The following DCT variants were observed in gnomAD, a reference collection of about 807,000 sequenced individuals.
The protein encoded by DCT is dopachrome tautomerase, also known as L-dopachrome tautomerase.
DCT carries 47 observed loss-of-function variants against 53.0 expected under a neutral mutation model. The ratio of observed to expected loss-of-function variants is 0.89; its 90% confidence interval spans 0.70 to 1.13. The LOEUF (loss-of-function observed/expected upper bound fraction) is 1.13. Ranked by LOEUF, DCT falls within the 50% of genes most tolerant of loss-of-function variation. DCT has a pLI of 0.00. For synonymous variants in DCT, 244 were observed against 237.0 expected (o/e 1.03, Z -0.27); for missense variants, 669 against 637.4 (o/e 1.05, Z -0.53).
chr13:94,462,423 C>A (rs1480638237), intron 4 of DCT, among the ~76,000 whole-genome samples: 1 of 151,686 alleles, frequency 6.6e-6, no homozygotes, highest in Non-Finnish European at 1.5e-5. Context: ...TCGCTTGAAC[C>A]CAGGAGACAG....
chr13:94,464,189 G>A (rs900187434), intron 4 of DCT, among the ~76,000 whole-genome samples: 9 of 152,178 alleles, frequency 5.9e-5, no homozygotes, highest in African/African-American at 1.9e-4. Context: ...TGTGGAAGAC[G>A]AAGTCCCTGC....
At chr13:94,503,971 A>G in the DCT span, among the ~76,000 whole-genome samples, 70 of 152,334 alleles carry the variant, frequency 4.6e-4, no homozygotes, top group African/African-American at 1.6e-3. Flanking sequence ...GGTTGTGCAT[A>G]AGTGAAGTAA....
At chr13:94,512,549 G>T in the DCT span, among the ~76,000 whole-genome samples, 8 of 152,256 alleles carry the variant, frequency 5.3e-5, no homozygotes, top group African/African-American at 1.9e-4. Context: ...GGGAAAAAAC[G>T]ACAAACTATT....
chr13:94,543,798 G>A, the DCT span, among the ~76,000 whole-genome samples: 1 of 152,142 alleles, frequency 6.6e-6, no homozygotes, highest in Non-Finnish European at 1.5e-5. Context: ...ACTTTGAGAG[G>A]CCAAGGCAGG....
chr13:94,479,386 CT>C lies in DCT; in HGVS notation c.-132del. 1 of 897,082 alleles carries C rather than the reference CT, an allele frequency of 1.1e-6. No individual in the cohort carries two copies. The highest frequency in any genetic ancestry group is 1.7e-5 in the African/African-American group (1 of 59,340). 55.6% of individuals were successfully genotyped at this position (897,082 alleles called of 1,614,324 possible). On this transcript the variant is annotated 5_prime_UTR_variant, in exon 1 of 8. The change abolishes the stop of an existing upstream ORF in the 5' untranslated region. Transcript: ENST00000377028. The stretch of plus-strand genomic sequence containing the variant: ...ATTTTTCTTTGCTTTCTATTCCTTT[CT>C]TCTTAAAAAAATACCCACAAGAATC...
the DCT span, among the ~76,000 whole-genome samples, chr13:94,521,628 C>G: frequency 6.6e-6 from 1 of 152,170 alleles, no homozygotes; most frequent in African/African-American, 2.4e-5. Context: ...TGAGATCATG[C>G]CATTGCACTC....
At chr13:94,530,739 A>G in the DCT span, among the ~76,000 whole-genome samples, 1 of 152,192 alleles carries the variant, frequency 6.6e-6, no homozygotes, top group African/African-American at 2.4e-5. Context: ...CAAGACAAGG[A>G]TGCCCTCTCT....
chr13:94,479,873 C>G (rs1023933780), upstream of DCT, among the ~76,000 whole-genome samples: 5 of 152,128 alleles, frequency 3.3e-5, no homozygotes, highest in African/African-American at 1.2e-4. Context: ...AGGGCAAAAC[C>G]ATCTTCTTTA....
chr13:94,485,678 G>T, the DCT span, among the ~76,000 whole-genome samples: 1 of 152,138 alleles, frequency 6.6e-6, no homozygotes, highest in Admixed American at 6.5e-5. Flanking sequence ...CACCCAGTTT[G>T]AAGTCCCATA....
At chr13:94,441,335 A>G (rs1019286677) in intron 7 of DCT, among the ~76,000 whole-genome samples, 4 of 152,222 alleles carry the variant, frequency 2.6e-5, no homozygotes, top group Non-Finnish European at 4.4e-5. Flanking sequence ...TTTTTAAAAA[A>G]TTATGTTTTA....
Position 94,444,380 on chromosome 13 carries a change from C to T in DCT, c.1180-743G>A, listed in dbSNP as rs765751973. 7.7e-6 allele frequency: 4 copies of T among 517,308 alleles called. No homozygotes were observed. The Admixed American group carries it at 7.8e-5, about 10-fold the overall frequency. 32.0% of individuals were successfully genotyped at this position (517,308 alleles called of 1,614,324 possible). ...TTTCTCACCAGGAATACTCTTCTGT[C>T]TACTCATTTCATAAACTCTCACTTG... On this transcript the variant is annotated intron_variant, in intron 6 of 7. Transcript: ENST00000377028.
At chr13:94,530,532 C>A in the DCT span, among the ~76,000 whole-genome samples, 2 of 151,974 alleles carry the variant, frequency 1.3e-5, no homozygotes, top group Non-Finnish European at 2.9e-5. Context: ...GAACCAACGA[C>A]GAAAACCACA....
chr13:94,493,448 G>A, the DCT span, among the ~76,000 whole-genome samples: 1 of 152,206 alleles, frequency 6.6e-6, no homozygotes, highest in Non-Finnish European at 1.5e-5. Context: ...CAAGGCATAT[G>A]AGGACTATGA....
At position 94,479,325 on chromosome 13, in the gene DCT, T is replaced by C; in HGVS notation, c.-70A>G. 1 of 1,286,678 alleles carries C rather than the reference T, an allele frequency of 7.8e-7. No individual in the cohort carries two copies. Among genetic ancestry groups the C allele is most frequent in the Non-Finnish European group, 1.1e-6 (1 of 944,900 alleles). The allele number at this position is 1,286,678 out of a possible 1,614,324, so 79.7% of individuals were successfully genotyped here. On this transcript the variant is annotated 5_prime_UTR_variant, in exon 1 of 8. Transcript: ENST00000377028. ...TCTCTGTCGTACTTTTCTCCTTATC[T>C]TCTACTCTTTCAGTCTTTTCTTTTC...
the DCT span, among the ~76,000 whole-genome samples, chr13:94,543,302 A>G: frequency 8.5e-5 from 13 of 152,146 alleles, no homozygotes; most frequent in Non-Finnish European, 1.3e-4. Context: ...CCTCATGCCA[A>G]TCCACACCAT....
intron 1 of DCT, among the ~76,000 whole-genome samples, chr13:94,478,146 ACCCCCCGCCCGCC>A (rs1290895525): frequency 2.0e-5 from 2 of 101,970 alleles, no homozygotes; most frequent in South Asian, 7.7e-4. Context: ...TCTAATAACA[ACCCCCCGCCCGCC>A]CCCCCCACCC....
chr13:94,528,064 T>C, the DCT span, among the ~76,000 whole-genome samples: 1 of 151,888 alleles, frequency 6.6e-6, no homozygotes, highest in Non-Finnish European at 1.5e-5. Context: ...ATTAGTGAAA[T>C]AAAGTGAGAA....
At chr13:94,498,205 C>T in the DCT span, among the ~76,000 whole-genome samples, 1 of 152,228 alleles carries the variant, frequency 6.6e-6, no homozygotes, top group Non-Finnish European at 1.5e-5. Flanking sequence ...CCCCTGGCTA[C>T]TCCATCAGTG....
chr13:94,465,443 G>GAT (rs371538914), intron 4 of DCT, 190 bp downstream of exon 4: 64,723 of 373,792 alleles, frequency 0.17, 5,525 homozygotes, highest in African/African-American at 0.21. Context: ...ATGTGATTTT[G>GAT]ATATTTTTTT....
Sources: gnomAD v4.1 joint callset for allele counts (sites outside exome capture counted in the v4.1 genomes callset) on GRCh38, gnomAD v4.1.1 for gene constraint, MANE v1.5 for transcripts, NCBI Gene and HGNC (gene_info 2026-07-23, HGNC 2026-07-21) for gene names.